FRAS1: variants seen among roughly 807,000 people sequenced by gnomAD.
FRAS1 encodes Fraser extracellular matrix complex subunit 1.
A neutral mutation model predicts 435.2 loss-of-function variants in FRAS1; 290 were observed. The observed-to-expected ratio is 0.67, with a 90% CI of 0.61 to 0.73. The LOEUF (loss-of-function observed/expected upper bound fraction) is 0.73, where lower values mean the gene tolerates loss of function less well. FRAS1 is among the 30% of genes least tolerant of loss of function. The pLI, the probability that FRAS1 is intolerant of heterozygous loss-of-function variation, is 0.00. For synonymous variants in FRAS1, 1,800 were observed against 1,851.0 expected, an observed-to-expected ratio of 0.97 and a Z score of 0.71; for missense variants, 4,860 against 5,001.5, an observed-to-expected ratio of 0.97 and a Z score of 0.85.
chr4:78,214,366 A>G (rs951521990), intron 2 of FRAS1, among the ~76,000 whole-genome samples: 1 of 152,220 alleles, frequency 6.6e-6, no homozygotes. Context: ...CACATTTAAC[A>G]CATAAATCAA....
intron 9 of FRAS1, among the ~76,000 whole-genome samples, chr4:78,277,105 C>A (rs913771862): frequency 2.2e-4 from 33 of 152,218 alleles, no homozygotes; most frequent in Non-Finnish European, 2.2e-4. Flanking sequence ...AGCATGGGAC[C>A]CTCCGAGCCA....
intron 2 of FRAS1, among the ~76,000 whole-genome samples, chr4:78,105,237 G>T (rs1742338735): frequency 6.6e-6 from 1 of 152,096 alleles, no homozygotes; most frequent in Non-Finnish European, 1.5e-5. Flanking sequence ...TTCCACATCT[G>T]CTCTGGACTG....
chr4:78,263,584 T>C (rs1333615406), intron 6 of FRAS1, among the ~76,000 whole-genome samples: 3 of 152,210 alleles, frequency 2.0e-5, no homozygotes, highest in Non-Finnish European at 4.4e-5. Context: ...GTTCATTTGT[T>C]TATTATAATA....
intron 19 of FRAS1, among the ~76,000 whole-genome samples, chr4:78,333,794 A>AAG (rs543387455): frequency 2.4e-4 from 36 of 151,808 alleles, no homozygotes; most frequent in African/African-American, 7.5e-4. Context: ...CTATGGCTTA[A>AAG]AGAGAGAGAG....
At position 78,424,429 on chromosome 4, in the gene FRAS1, T is replaced by G; in HGVS notation, c.4711+9T>G. ...GAAATTCCACTTCACAGGTAAAGAT[T>G]CATCTAAATTTTACTAGAAAGTGAA... On this transcript the variant is annotated intron_variant, in intron 35 of 73. Transcript: ENST00000512123. The G allele has an allele frequency of 7.1e-7, 1 of 1,400,430 alleles. No homozygotes were observed. The highest frequency in any genetic ancestry group is 9.5e-7 in the Non-Finnish European group (1 of 1,056,686). The allele number at this position is 1,400,430 out of a possible 1,614,324, so 86.8% of individuals were successfully genotyped here. A position where few individuals can be genotyped will look rare whatever the true frequency, so the allele number is the denominator to read the frequency against.
chr4:78,462,941 T>C (rs1456502447), intron 47 of FRAS1, among the ~76,000 whole-genome samples: 1 of 152,156 alleles, frequency 6.6e-6, no homozygotes, highest in African/African-American at 2.4e-5. Context: ...CCCTTAAATA[T>C]ATGAGTCAAT....
intron 48 of FRAS1, 94 bp downstream of exon 48, chr4:78,464,239 T>C (rs1298172987): frequency 8.9e-6 from 13 of 1,461,752 alleles, no homozygotes; most frequent in Non-Finnish European, 1.2e-5. Flanking sequence ...AGAGAAGAGC[T>C]TCATTTTCCT....
rs2109851982 is a variant in FRAS1, at chr4:78,472,412, C to T, written c.7522+82C>T. 5 of 1,272,878 alleles carry T rather than the reference C, an allele frequency of 3.9e-6. No individual in the cohort carries two copies. In the East Asian group the frequency reaches 1.3e-4, roughly 32 times the overall value. 78.8% of individuals were successfully genotyped at this position (1,272,878 alleles called of 1,614,324 possible). On this transcript the variant is annotated intron_variant, in intron 52 of 73. Coordinates refer to ENST00000512123, the MANE Select transcript of FRAS1 (RefSeq NM_025074.7). ...CTATCTCCCAGATTCTTCTCACAGC[C>T]ACTTCCAGCTACTTATGCCCAAGTA...
intron 48 of FRAS1, 93 bp downstream of exon 48, chr4:78,464,238 CTTCATTTTCCTCTGCT>C (rs1560742295): frequency 2.8e-5 from 41 of 1,460,108 alleles, no homozygotes; most frequent in Non-Finnish European, 3.5e-5. Flanking sequence ...GAGAGAAGAG[CTTCATTTTCCTCTGCT>C]CTCAGTCAAG....
chr4:78,286,182 G>A, intron 13 of FRAS1: 1 of 668,468 alleles, frequency 1.5e-6, no homozygotes, highest in Non-Finnish European at 2.7e-6. Flanking sequence ...ACCTCCTAGG[G>A]TGGTTGTGAG....
chr4:78,460,003 A>C (rs1242008298), intron 47 of FRAS1, among the ~76,000 whole-genome samples: 3 of 152,210 alleles, frequency 2.0e-5, no homozygotes, highest in Admixed American at 1.3e-4. Context: ...GGACTTCAAC[A>C]TATGAATTTG....
intron 2 of FRAS1, among the ~76,000 whole-genome samples, chr4:78,236,284 T>TTGCA (rs1724755718): frequency 1.4e-5 from 1 of 70,658 alleles, no homozygotes; most frequent in African/African-American, 4.4e-5. Flanking sequence ...CATGAAATAG[T>TTGCA]TGCATTTATT....
chr4:78,534,648 T>G (rs1721825791), intron 71 of FRAS1, 33 bp downstream of exon 71: 3 of 1,602,616 alleles, frequency 1.9e-6, no homozygotes, highest in Non-Finnish European at 2.6e-6. Context: ...AGAAAGAGGC[T>G]CTGCCTGGAT....
At chr4:78,505,515 G>T (rs879047874) in intron 61 of FRAS1, among the ~76,000 whole-genome samples, 3 of 151,894 alleles carry the variant, frequency 2.0e-5, no homozygotes, top group Admixed American at 2.0e-4. Flanking sequence ...CCACTTGATT[G>T]AATTGCCTAT....
intron 29 of FRAS1, among the ~76,000 whole-genome samples, chr4:78,395,232 A>G (rs1732609137): frequency 6.6e-6 from 1 of 151,944 alleles, no homozygotes; most frequent in South Asian, 2.1e-4. Flanking sequence ...GATACTTGAT[A>G]TGATTTCAGT....
intron 31 of FRAS1, among the ~76,000 whole-genome samples, chr4:78,409,937 C>T (rs1017399495): frequency 7.9e-5 from 12 of 152,100 alleles, no homozygotes; most frequent in Admixed American, 6.5e-4. Context: ...TTCCAGAGAG[C>T]GGGTTGAGAT....
intron 2 of FRAS1, among the ~76,000 whole-genome samples, chr4:78,106,151 G>T: frequency 1.0e-5 from 1 of 100,428 alleles, no homozygotes; most frequent in Non-Finnish European, 2.1e-5. Flanking sequence ...CAAACTGCAA[G>T]GCGGCAACTA....
intron 59 of FRAS1, 150 bp downstream of exon 59, chr4:78,489,230 C>T (rs1720269233): frequency 4.7e-6 from 3 of 642,200 alleles, no homozygotes; most frequent in Non-Finnish European, 7.6e-6. Flanking sequence ...GGTGCCAACT[C>T]CCCACACAGT....
Position 78,234,359 on chromosome 4 carries a change from G to C in FRAS1, c.109-3151G>C, listed in dbSNP as rs1009303795. 2.8e-4 allele frequency among the ~76,000 whole-genome samples: 42 copies of C among 151,890 alleles called. 1 individual carries two copies. The highest frequency in any genetic ancestry group is 3.1e-4 in the Non-Finnish European group (21 of 67,828). On this transcript the variant is annotated intron_variant, in intron 2 of 73. Coordinates refer to ENST00000512123, the MANE Select transcript of FRAS1 (RefSeq NM_025074.7). The stretch of plus-strand genomic sequence containing the variant: ...TCCTGCCTCTGCCTCCCGAGTAGCT[G>C]GGACTACAGGCACCCGCCACTGCGC...
Sources: allele counts gnomAD v4.1 joint callset (sites outside exome capture counted in the v4.1 genomes callset), GRCh38; gene constraint gnomAD v4.1.1; transcripts MANE v1.5; gene names NCBI Gene and HGNC (gene_info 2026-07-23, HGNC 2026-07-21).